The following FMN2 variants were observed in gnomAD, a reference collection of about 807,000 sequenced individuals.
FMN2 encodes the protein formin-2.
A neutral mutation model predicts 142.3 loss-of-function variants in FMN2; 51 were observed. That is an observed-to-expected ratio of 0.36 (90% CI 0.29 to 0.45). The LOEUF is 0.45. Ranked by LOEUF, FMN2 falls within the 20% of genes least tolerant of loss-of-function variation. The pLI is 1.00. For missense variants in FMN2, 1,936 were observed against 2,122.8 expected, an observed-to-expected ratio of 0.91 and a Z score of 1.73; for synonymous variants, 882 against 869.8, an observed-to-expected ratio of 1.01 and a Z score of -0.25.
intron 13 of FMN2, among the ~76,000 whole-genome samples, 173 bp downstream of exon 13, chr1:240,334,402 A>G (rs1173273203): frequency 6.6e-6 from 1 of 152,194 alleles, no homozygotes; most frequent in Non-Finnish European, 1.5e-5. Flanking sequence ...GTTGTTTAAA[A>G]AGTTATGTGT....
chr1:240,347,246 G>A (rs181340034), intron 13 of FMN2, among the ~76,000 whole-genome samples: 1 of 152,286 alleles, frequency 6.6e-6, no homozygotes, highest in African/African-American at 2.4e-5. Flanking sequence ...CCATCCGTAC[G>A]GCCAGGGGAA....
intron 4 of FMN2, among the ~76,000 whole-genome samples, chr1:240,190,445 C>T (rs1024231081): frequency 5.3e-5 from 8 of 151,986 alleles, no homozygotes; most frequent in South Asian, 2.1e-4. Flanking sequence ...AGTAACTGGC[C>T]GTAAAGGGGA....
intron 1 of FMN2, among the ~76,000 whole-genome samples, chr1:240,103,908 T>C (rs1184669573): frequency 6.6e-6 from 1 of 151,886 alleles, no homozygotes; most frequent in Non-Finnish European, 1.5e-5. Context: ...GACGGAGTCT[T>C]GCTCTATCCC....
chr1:240,424,592 G>A (rs2103148913), intron 15 of FMN2, among the ~76,000 whole-genome samples: 2 of 152,280 alleles, frequency 1.3e-5, no homozygotes, highest in Middle Eastern at 6.8e-3. Context: ...GGCTAAAGAA[G>A]GCTCTTTTAT....
intron 2 of FMN2, chr1:240,145,527 T>A: frequency 5.9e-6 from 1 of 170,478 alleles, no homozygotes; most frequent in East Asian, 1.3e-4. Flanking sequence ...TTTTTCTTTT[T>A]CTATTTTTTT....
chr1:240,396,607 C>CCCCTG lies in FMN2; in HGVS notation c.4910+4047_4910+4051dup, dbSNP rs571974598. Among the ~76,000 whole-genome samples the CCCCTG allele has an allele frequency of 7.2e-5, 11 of 152,108 alleles. No individual in the cohort carries two copies. In the East Asian group the frequency reaches 2.1e-3, roughly 29 times the overall value. On this transcript the variant is annotated intron_variant, in intron 15 of 17. Coordinates refer to ENST00000319653, the MANE Select transcript of FMN2 (RefSeq NM_020066.5). ...GTGGGTGGTTTTTGAGCCCGTGATC[C>CCCCTG]CCCTGCATTGTTGAGTAGCCCCAGT...
intron 15 of FMN2, among the ~76,000 whole-genome samples, chr1:240,409,634 A>G (rs1674331417): frequency 6.6e-6 from 1 of 152,236 alleles, no homozygotes; most frequent in South Asian, 2.1e-4. Context: ...TGTCCTTTCC[A>G]GTAACATATA....
intron 15 of FMN2, among the ~76,000 whole-genome samples, chr1:240,436,190 T>G: frequency 6.6e-6 from 1 of 152,312 alleles, no homozygotes; most frequent in Non-Finnish European, 1.5e-5. Context: ...GATCCTCACA[T>G]AGCGTATGCA....
intron 13 of FMN2, among the ~76,000 whole-genome samples, chr1:240,346,463 G>C (rs1671910856): frequency 6.6e-6 from 1 of 152,102 alleles, no homozygotes; most frequent in South Asian, 2.1e-4. Context: ...CGAACCCATG[G>C]ATAAGGGAGG....
chr1:240,217,761 T>C (rs1168197574), intron 6 of FMN2, among the ~76,000 whole-genome samples: 2 of 151,862 alleles, frequency 1.3e-5, no homozygotes, highest in Non-Finnish European at 2.9e-5. Context: ...AATTTTCTTT[T>C]AGCCAGTAAG....
At chr1:240,149,754 A>G (rs771038076) in intron 2 of FMN2, among the ~76,000 whole-genome samples, 22 of 152,352 alleles carry the variant, frequency 1.4e-4, no homozygotes, top group Admixed American at 7.8e-4. Context: ...AGTTACAGGA[A>G]GGCGTCTTAA....
chr1:240,199,745 A>T (rs1666057949), intron 4 of FMN2, among the ~76,000 whole-genome samples: 1 of 152,078 alleles, frequency 6.6e-6, no homozygotes, highest in African/African-American at 2.4e-5. Flanking sequence ...AAGTACAAAT[A>T]ATCTCAAAAT....
At chr1:240,169,277 T>C (rs1473774769) in intron 2 of FMN2, among the ~76,000 whole-genome samples, 1 of 152,208 alleles carries the variant, frequency 6.6e-6, no homozygotes, top group Non-Finnish European at 1.5e-5. Flanking sequence ...AGATATTCTG[T>C]AATGGGATGG....
At chr1:240,412,089 T>C (rs1674417073) in intron 15 of FMN2, among the ~76,000 whole-genome samples, 1 of 152,052 alleles carries the variant, frequency 6.6e-6, no homozygotes, top group Non-Finnish European at 1.5e-5. Flanking sequence ...TTGCTGCTAG[T>C]GGAAAAGGAT....
At chr1:240,303,649 G>T (rs1199557916) in intron 8 of FMN2, among the ~76,000 whole-genome samples, 43 of 152,140 alleles carry the variant, frequency 2.8e-4, no homozygotes, top group Non-Finnish European at 1.5e-5. Flanking sequence ...GGGCTCTTTG[G>T]ATTAACATCA....
At chr1:240,438,263 G>GTGGCACCAC in intron 16 of FMN2, 53 bp downstream of exon 16, 1 of 1,566,230 alleles carries the variant, frequency 6.4e-7, no homozygotes, top group Non-Finnish European at 8.7e-7. Flanking sequence ...TTTATTAGGT[G>GTGGCACCAC]TGGCACCACT....
intron 6 of FMN2, among the ~76,000 whole-genome samples, chr1:240,233,334 G>A (rs905148734): frequency 2.7e-5 from 4 of 150,800 alleles, no homozygotes; most frequent in Non-Finnish European, 5.9e-5. Context: ...GCAGTGAGCC[G>A]AGATCGCACC....
intron 6 of FMN2, chr1:240,245,595 G>A (rs987777427): frequency 2.8e-5 from 13 of 470,988 alleles, no homozygotes; most frequent in South Asian, 4.6e-5. Context: ...ATGGTTTTCC[G>A]TGCATTTACC....
At chr1:240,425,134 G>A (rs1157227545) in intron 15 of FMN2, among the ~76,000 whole-genome samples, 1 of 151,240 alleles carries the variant, frequency 6.6e-6, no homozygotes, top group African/African-American at 2.4e-5. Flanking sequence ...GTTGTGGAAG[G>A]TTGGGCCAAG....
Sources: gnomAD v4.1 joint callset for allele counts (sites outside exome capture counted in the v4.1 genomes callset) on GRCh38, gnomAD v4.1.1 for gene constraint, MANE v1.5 for transcripts, NCBI Gene and HGNC (gene_info 2026-07-23, HGNC 2026-07-21) for gene names.